MARCHF4: variants seen among roughly 807,000 people sequenced by gnomAD.
MARCHF4 encodes the protein membrane associated ring-CH-type finger 4, also known as E3 ubiquitin-protein ligase MARCHF4.
In MARCHF4, 14 loss-of-function variants were observed where a neutral mutation model predicts 43.9. The ratio of observed to expected loss-of-function variants is 0.32; its 90% CI spans 0.21 to 0.50. The LOEUF is 0.50. MARCHF4 is among the 20% of genes least tolerant of loss of function. The pLI is 0.98. For missense variants in MARCHF4, 468 were observed against 536.7 expected, an observed-to-expected ratio of 0.87 and a Z score of 1.27; for synonymous variants, 226 against 213.3, an observed-to-expected ratio of 1.06 and a Z score of -0.52.
chr2:216,367,539 C>G (rs2105987925), intron 1 of MARCHF4, among the ~76,000 whole-genome samples: 1 of 152,306 alleles, frequency 6.6e-6, no homozygotes, highest in Non-Finnish European at 1.5e-5. Flanking sequence ...AACACAATCC[C>G]ATTAAAGCCT....
At chr2:216,359,013 C>T (rs910133450) in intron 1 of MARCHF4, among the ~76,000 whole-genome samples, 1 of 152,186 alleles carries the variant, frequency 6.6e-6, no homozygotes, top group Admixed American at 6.5e-5. Flanking sequence ...GAACATAATT[C>T]AGGAGTGGGA....
At chr2:216,354,354 T>G (rs2105980763) in intron 1 of MARCHF4, among the ~76,000 whole-genome samples, 1 of 152,320 alleles carries the variant, frequency 6.6e-6, no homozygotes, top group East Asian at 1.9e-4. Flanking sequence ...CTTAACTGCC[T>G]TGACTCCACC....
At chr2:216,316,456 A>G (rs1691777962) in intron 1 of MARCHF4, among the ~76,000 whole-genome samples, 1 of 152,172 alleles carries the variant, frequency 6.6e-6, no homozygotes, top group Non-Finnish European at 1.5e-5. Flanking sequence ...TGATTCAAGG[A>G]AAGAGATGAA....
intron 3 of MARCHF4, among the ~76,000 whole-genome samples, chr2:216,260,907 C>G (rs373976657): frequency 2.0e-5 from 3 of 152,144 alleles, no homozygotes; most frequent in African/African-American, 7.2e-5. Context: ...GGTGGTGGAG[C>G]AGTGAGAAAC....
intron 1 of MARCHF4, among the ~76,000 whole-genome samples, chr2:216,337,890 A>G (rs999304975): frequency 6.6e-6 from 1 of 152,190 alleles, no homozygotes; most frequent in African/African-American, 2.4e-5. Context: ...AGCAAAGGAC[A>G]CCAAAAGGAG....
chr2:216,262,939 G>A lies in MARCHF4; in HGVS notation c.866-3260C>T, dbSNP rs114434188. Among the ~76,000 whole-genome samples, 671 of 152,192 alleles carry A rather than the reference G, an allele frequency of 4.4e-3. 8 individuals are homozygous for A. Among genetic ancestry groups the A allele is most frequent in the African/African-American group, 0.016 (649 of 41,530 alleles). ...CTATGGTACAACTACATTAGGAAAC[G>A]GACAAACAAATGAACAAACCCCAGA... is the stretch of plus-strand genomic sequence containing the variant. On this transcript the variant is annotated intron_variant, in intron 3 of 3. Coordinates refer to ENST00000273067, the MANE Select transcript of MARCHF4 (RefSeq NM_020814.3).
intron 1 of MARCHF4, among the ~76,000 whole-genome samples, chr2:216,366,015 G>C (rs1692661462): frequency 6.6e-6 from 1 of 152,178 alleles, no homozygotes; most frequent in Non-Finnish European, 1.5e-5. Flanking sequence ...CACAATCATA[G>C]TGGCTTCCTG....
At chr2:216,363,705 T>C (rs1692623822) in intron 1 of MARCHF4, among the ~76,000 whole-genome samples, 1 of 152,202 alleles carries the variant, frequency 6.6e-6, no homozygotes, top group African/African-American at 2.4e-5. Flanking sequence ...CTATTGGCCA[T>C]GAAGGGCTTG....
intron 1 of MARCHF4, chr2:216,321,683 A>G (rs1255361279): frequency 6.6e-6 from 1 of 152,222 alleles, no homozygotes; most frequent in Non-Finnish European, 1.5e-5. Context: ...TTCATTGAAA[A>G]GAAAGAAGAG....
chr2:216,300,093 A>G (rs995869808), intron 1 of MARCHF4, among the ~76,000 whole-genome samples: 4 of 152,184 alleles, frequency 2.6e-5, no homozygotes, highest in African/African-American at 9.6e-5. Context: ...ATCTAGAGCC[A>G]TTAGTACAAT....
intron 1 of MARCHF4, among the ~76,000 whole-genome samples, chr2:216,330,398 T>C (rs956660403): frequency 6.6e-6 from 1 of 152,002 alleles, no homozygotes; most frequent in Admixed American, 6.6e-5. Context: ...GAGAAACAGA[T>C]AAAGCCACAG....
chr2:216,305,581 G>A (rs1322497541), intron 1 of MARCHF4, among the ~76,000 whole-genome samples: 2 of 152,310 alleles, frequency 1.3e-5, no homozygotes, highest in South Asian at 2.1e-4. Flanking sequence ...GGGGTGCTAA[G>A]GAGCTGCCAA....
intron 1 of MARCHF4, among the ~76,000 whole-genome samples, chr2:216,288,197 T>C (rs1481399850): frequency 6.6e-6 from 1 of 152,224 alleles, no homozygotes; most frequent in Non-Finnish European, 1.5e-5. Context: ...ACTCCTAGGC[T>C]TAAATGATCC....
intron 3 of MARCHF4, among the ~76,000 whole-genome samples, chr2:216,268,360 T>C (rs1319884861): frequency 1.3e-5 from 2 of 152,214 alleles, no homozygotes; most frequent in East Asian, 1.9e-4. Flanking sequence ...TCATCTTGAA[T>C]TGTAATCCCC....
chr2:216,325,216 T>C (rs1691969150), intron 1 of MARCHF4, among the ~76,000 whole-genome samples: 1 of 152,192 alleles, frequency 6.6e-6, no homozygotes, highest in Non-Finnish European at 1.5e-5. Flanking sequence ...CCATTCACAA[T>C]TGCTTCAAAG....
At chr2:216,299,641 A>C (rs1691455895) in intron 1 of MARCHF4, among the ~76,000 whole-genome samples, 1 of 152,260 alleles carries the variant, frequency 6.6e-6, no homozygotes, top group African/African-American at 2.4e-5. Context: ...CTTTCAGATC[A>C]GACAACTTCT....
At chr2:216,271,931 C>T (rs185624385) in intron 3 of MARCHF4, among the ~76,000 whole-genome samples, 4 of 149,250 alleles carry the variant, frequency 2.7e-5, no homozygotes, top group Admixed American at 2.0e-4. Context: ...GCTGGGACTA[C>T]AGGTGCACAC....
intron 2 of MARCHF4, among the ~76,000 whole-genome samples, chr2:216,281,286 C>T (rs1214917561): frequency 6.6e-6 from 1 of 152,132 alleles, no homozygotes; most frequent in Non-Finnish European, 1.5e-5. Flanking sequence ...TGGTGTTGAA[C>T]TCCTGGCCTC....
chr2:216,310,201 T>C (rs1691661913), intron 1 of MARCHF4, among the ~76,000 whole-genome samples: 2 of 152,220 alleles, frequency 1.3e-5, no homozygotes, highest in South Asian at 4.1e-4. Flanking sequence ...GTGATGAGTC[T>C]CCATCCTTGC....
Sources: allele counts gnomAD v4.1 joint callset (sites outside exome capture counted in the v4.1 genomes callset), GRCh38; gene constraint gnomAD v4.1.1; transcripts MANE v1.5; gene names NCBI Gene and HGNC (gene_info 2026-07-23, HGNC 2026-07-21).